NWD1: variants seen among roughly 807,000 people sequenced by gnomAD.
The protein encoded by NWD1 is NACHT domain- and WD repeat-containing protein 1.
In NWD1, 129 loss-of-function variants were observed where a neutral mutation model predicts 135.1. The ratio of observed to expected loss-of-function variants is 0.96; its 90% CI spans 0.83 to 1.11. NWD1 has a LOEUF of 1.11. Among genes scored for constraint, NWD1 ranks in the 50% least tolerant of loss-of-function variants. The probability of loss-of-function intolerance (pLI) is 0.00; values close to 1 mark genes in which losing one functional copy is unlikely to be tolerated. For synonymous variants in NWD1, 773 were observed against 786.0 expected (o/e 0.98, Z 0.28); for missense variants, 1,740 against 1,851.3 (o/e 0.94, Z 1.10).
In NWD1 at chr19:16,800,016, G is replaced by A. The variant is rs1970549246; in HGVS notation, c.3590G>A (p.Trp1197Ter). 2 of 1,614,082 alleles carry A rather than the reference G, an allele frequency of 1.2e-6. No homozygotes were observed. Among genetic ancestry groups the A allele is most frequent in the South Asian group, 2.2e-5 (2 of 91,080 alleles). ...CCACAGTCCTCATCTTTCAAGGTCT[G>A]GGATCTCAGCGATGCTCATAGGTCC... ...ASPQSSSFKV[W>*]DLSDAHRSRV... The change falls in exon 17 of 19, where the codon TGG (tryptophan) becomes TAG (stop). Residue 1197 changes from tryptophan to a stop codon, truncating the protein, a stop_gained. Transcript: ENST00000524140. LOFTEE classifies it high-confidence loss of function.
intron 12 of NWD1, among the ~76,000 whole-genome samples, chr19:16,786,682 G>A (rs975203666): frequency 6.6e-6 from 1 of 152,080 alleles, no homozygotes; most frequent in Admixed American, 6.6e-5. Flanking sequence ...GAGGAGCTGG[G>A]ATTACAGGCG....
intron 4 of NWD1, among the ~76,000 whole-genome samples, chr19:16,744,071 C>T (rs970631417): frequency 2.6e-5 from 4 of 151,992 alleles, no homozygotes; most frequent in African/African-American, 9.7e-5. Context: ...GAGTCATTTA[C>T]TTATATATTG....
At chr19:16,774,917 C>T (rs1969546246) in intron 11 of NWD1, among the ~76,000 whole-genome samples, 1 of 152,036 alleles carries the variant, frequency 6.6e-6, no homozygotes, top group Non-Finnish European at 1.5e-5. Flanking sequence ...CATCGAGAAA[C>T]TGATTCCTCC....
At chr19:16,767,280 TG>T in intron 10 of NWD1, among the ~76,000 whole-genome samples, 1 of 146,932 alleles carries the variant, frequency 6.8e-6, no homozygotes, top group East Asian at 2.1e-4. Context: ...CCTGGGTTCA[TG>T]CATGGCAGCA....
At chr19:16,730,780 A>G (rs1967525427) in intron 2 of NWD1, among the ~76,000 whole-genome samples, 1 of 151,790 alleles carries the variant, frequency 6.6e-6, no homozygotes, top group Non-Finnish European at 1.5e-5. Flanking sequence ...TGTAATCCCA[A>G]CACTTTGGGA....
intron 6 of NWD1, among the ~76,000 whole-genome samples, chr19:16,758,872 G>C (rs189731891): frequency 6.6e-6 from 1 of 151,998 alleles, no homozygotes; most frequent in African/African-American, 2.4e-5. Context: ...GCCAGGCGTG[G>C]TGGCGCCTGT....
chr19:16,783,009 T>C (rs979535584), intron 12 of NWD1, among the ~76,000 whole-genome samples: 4 of 144,522 alleles, frequency 2.8e-5, no homozygotes, highest in African/African-American at 1.1e-4. Flanking sequence ...TCTCTCTTTC[T>C]TTCTTTCCTT....
chr19:16,803,894 C>T (rs1046997918), intron 17 of NWD1, among the ~76,000 whole-genome samples: 24 of 151,288 alleles, frequency 1.6e-4, no homozygotes, highest in Non-Finnish European at 1.6e-4. Flanking sequence ...CACTGCACTC[C>T]AGCTTTGGCA....
intron 10 of NWD1, 119 bp downstream of exon 10, chr19:16,765,311 C>A (rs1477138750): frequency 8.7e-6 from 9 of 1,030,168 alleles, no homozygotes; most frequent in Non-Finnish European, 9.6e-6. Flanking sequence ...CCTGTCTAAA[C>A]ATGTGAATTT....
chr19:16,772,554 G>C (rs1353585255), intron 10 of NWD1, among the ~76,000 whole-genome samples: 1 of 152,158 alleles, frequency 6.6e-6, no homozygotes, highest in African/African-American at 2.4e-5. Context: ...GCTGAGGCAG[G>C]AGAATCGCTT....
At chr19:16,750,726 C>T (rs1458772786) in intron 6 of NWD1, among the ~76,000 whole-genome samples, 4 of 152,100 alleles carry the variant, frequency 2.6e-5, no homozygotes, top group Non-Finnish European at 2.9e-5. Context: ...GTCTCCAACT[C>T]CCAGGCTCAA....
intron 10 of NWD1, among the ~76,000 whole-genome samples, chr19:16,769,278 A>G (rs1969331903): frequency 1.3e-5 from 2 of 152,024 alleles, no homozygotes; most frequent in Admixed American, 6.6e-5. Context: ...CCTGGCCAAC[A>G]GGGTGAAACC....
At position 16,760,716 on chromosome 19, in the gene NWD1, G is replaced by C. The variant is rs149570312; in HGVS notation, c.1974-1263G>C. The stretch of plus-strand genomic sequence containing the variant: ...AGCGATTCTCCTGCCTTAGCTTCCT[G>C]AGTAGCTAGGTTTACAAGCATGAGC... On this transcript the variant is annotated intron_variant, in intron 7 of 18. Coordinates refer to ENST00000524140, the MANE Select transcript of NWD1 (RefSeq NM_001007525.5). 3.7e-3 allele frequency among the ~76,000 whole-genome samples: 560 copies of C among 152,130 alleles called. 5 individuals carry two copies. The highest frequency in any genetic ancestry group is 0.013 in the African/African-American group (532 of 41,520).
rs1489720269 is a variant in NWD1, at chr19:16,807,653, G to A, written c.3804G>A (p.Lys1268=). 3.1e-6 allele frequency: 5 copies of A among 1,593,464 alleles called. No individual in the cohort carries two copies. In the East Asian group the frequency reaches 8.9e-5, roughly 29 times the overall value. The change falls in exon 18 of 19, where the codon AAG becomes AAA. Residue 1268 remains lysine (K), a synonymous_variant. Coordinates refer to ENST00000524140, the MANE Select transcript of NWD1 (RefSeq NM_001007525.5). The stretch of plus-strand genomic sequence containing the variant: ...GTCTGGAGGTTGCTGAGCAGCGCAA[G>A]CTCCTATTTACGGGCCTCGTGTCGG... ...IRCLEVAEQR[K]LLFTGLVSGV...
At chr19:16,735,710 G>T (rs867613944) in intron 3 of NWD1, among the ~76,000 whole-genome samples, 3 of 151,122 alleles carry the variant, frequency 2.0e-5, no homozygotes, top group Non-Finnish European at 4.4e-5. Flanking sequence ...TGCGCCTGTA[G>T]TTCCAGCTAC....
Position 16,800,156 on chromosome 19 carries a change from G to A in NWD1, c.3730G>A (p.Ala1244Thr). Residue 1244 changes from alanine to threonine, a missense_variant, in exon 17 of 19, where the codon GCA becomes ACA. By Grantham distance (58) the Ala-to-Thr change is moderately conservative. Coordinates refer to ENST00000524140, the MANE Select transcript of NWD1 (RefSeq NM_001007525.5). ...AAACAAAGTCACTATTTGGGACTTG[G>A]CAGAAGGTTGGTAAGGTATAAGTAT... is the stretch of plus-strand genomic sequence containing the variant. Reference protein sequence around the residue: ...DKNKVTIWDLAEGEEQDSLDT... With the variant: ...DKNKVTIWDLTEGEEQDSLDT... The A allele has an allele frequency of 6.2e-7, 1 of 1,610,340 alleles. No homozygotes were observed. Among genetic ancestry groups the A allele is most frequent in the Non-Finnish European group, 8.5e-7 (1 of 1,177,876 alleles).
In NWD1 at chr19:16,749,698, C is replaced by T; in HGVS notation, c.1056C>T (p.Cys352=). The change falls in exon 6 of 19, where the codon TGC becomes TGT. Residue 352 remains cysteine, a synonymous_variant. Coordinates refer to ENST00000524140, the MANE Select transcript of NWD1 (RefSeq NM_001007525.5). ...PPGIGKTALM[C]KLAEQMPRLL... is the part of the protein sequence containing the mutation. ...GCATTGGAAAGACAGCCCTGATGTGCAAGCTGGCTGAGCAGATGCCAAGGC... is the reference window on the plus strand; with the variant it reads ...GCATTGGAAAGACAGCCCTGATGTGTAAGCTGGCTGAGCAGATGCCAAGGC... The T allele has an allele frequency of 6.2e-7, 1 of 1,601,874 alleles. No homozygotes were observed. Among genetic ancestry groups the T allele is most frequent in the Non-Finnish European group, 8.5e-7 (1 of 1,173,072 alleles).
At chr19:16,794,363 C>T in intron 14 of NWD1, 100 bp from the exon 15 acceptor site, 1 of 686,988 alleles carries the variant, frequency 1.5e-6, no homozygotes, top group Non-Finnish European at 2.5e-6. Flanking sequence ...GAGACTCCAT[C>T]TCAAAAACAA....
rs1460240176 is a variant in NWD1, at chr19:16,817,931, T to C, written c.*2892T>C. 6.6e-6 allele frequency: 1 copy of C among 152,168 alleles called. No homozygotes were observed. The highest frequency in any genetic ancestry group is 1.5e-5 in the Non-Finnish European group (1 of 68,034). The allele number at this position is 152,168 out of a possible 1,614,324, so 9.4% of individuals were successfully genotyped here. On this transcript the variant is annotated 3_prime_UTR_variant, in exon 19 of 19. Transcript: ENST00000524140. The stretch of plus-strand genomic sequence containing the variant: ...AATTTAAACATTGGAAATGCCTTTT[T>C]ACTAATAAAATGCTACAACAAATTA...
Sources: allele counts gnomAD v4.1 joint callset (sites outside exome capture counted in the v4.1 genomes callset), GRCh38; gene constraint gnomAD v4.1.1; transcripts MANE v1.5; gene names NCBI Gene and HGNC (gene_info 2026-07-23, HGNC 2026-07-21).